The following CLSTN2 variants were observed in gnomAD, a reference collection of about 807,000 sequenced individuals.
The protein encoded by CLSTN2 is calsyntenin 2.
In CLSTN2, 48 loss-of-function variants were observed where a neutral mutation model predicts 101.2. The observed-to-expected ratio is 0.47, with a 90% CI of 0.38 to 0.60. The LOEUF is 0.60. Among genes scored for constraint, CLSTN2 ranks in the 20% least tolerant of loss-of-function variants. The pLI is 0.00. For missense variants in CLSTN2, 1,160 were observed against 1,238.2 expected, an observed-to-expected ratio of 0.94 and a Z score of 0.95; for synonymous variants, 481 against 463.6, an observed-to-expected ratio of 1.04 and a Z score of -0.48.
chr3:140,377,501 C>T (rs918295679), intron 2 of CLSTN2, among the ~76,000 whole-genome samples: 1 of 152,028 alleles, frequency 6.6e-6, no homozygotes, highest in African/African-American at 2.4e-5. Flanking sequence ...AGGTGGAAGA[C>T]AGTGATATTG....
At chr3:140,419,731 A>ATGTATATACGTATATATACACATATACG (rs2088477101) in intron 4 of CLSTN2, among the ~76,000 whole-genome samples, 1 of 65,332 alleles carries the variant, frequency 1.5e-5, no homozygotes, top group Non-Finnish European at 2.5e-5. Context: ...ACGTATATAC[A>ATGTATATACGTATATATACACATATACG]TGTATATACG....
intron 1 of CLSTN2, among the ~76,000 whole-genome samples, chr3:140,041,276 A>C (rs915701812): frequency 6.6e-6 from 1 of 152,186 alleles, no homozygotes; most frequent in Non-Finnish European, 1.5e-5. Flanking sequence ...CAGCCAGCTC[A>C]TGGCTGAGAT....
At chr3:139,986,704 A>C (rs1936026830) in intron 1 of CLSTN2, among the ~76,000 whole-genome samples, 1 of 151,990 alleles carries the variant, frequency 6.6e-6, no homozygotes, top group Admixed American at 6.6e-5. Flanking sequence ...ATATTGTTTG[A>C]TCGTGCTCAG....
At chr3:140,515,589 A>AT (rs1017209059) in intron 8 of CLSTN2, among the ~76,000 whole-genome samples, 2 of 151,990 alleles carry the variant, frequency 1.3e-5, no homozygotes, top group African/African-American at 4.8e-5. Flanking sequence ...TCAATTCAAA[A>AT]TTTTTTTTAA....
At chr3:140,335,028 G>T (rs1402023731) in intron 2 of CLSTN2, among the ~76,000 whole-genome samples, 2 of 152,224 alleles carry the variant, frequency 1.3e-5, no homozygotes, top group South Asian at 4.1e-4. Context: ...GAATGGCAAA[G>T]GGGGGCTTTT....
intron 4 of CLSTN2, among the ~76,000 whole-genome samples, chr3:140,419,644 TATGTAC>T: frequency 1.6e-5 from 1 of 61,076 alleles, no homozygotes; most frequent in Non-Finnish European, 2.6e-5. Context: ...TATACATATA[TATGTAC>T]ACGTATATAT....
At chr3:139,941,197 T>A (rs1215287271) in intron 1 of CLSTN2, among the ~76,000 whole-genome samples, 1 of 151,738 alleles carries the variant, frequency 6.6e-6, no homozygotes, top group African/African-American at 2.4e-5. Flanking sequence ...GAAAGACAGG[T>A]TTTGAGGGTA....
intron 1 of CLSTN2, among the ~76,000 whole-genome samples, chr3:139,961,875 C>T (rs1006060363): frequency 1.3e-5 from 2 of 152,072 alleles, no homozygotes; most frequent in Non-Finnish European, 2.9e-5. Flanking sequence ...CATATTTTTA[C>T]ATAATTTAGT....
intron 3 of CLSTN2, 50 bp downstream of exon 3, chr3:140,403,874 C>A: frequency 3.5e-6 from 5 of 1,424,062 alleles, no homozygotes; most frequent in South Asian, 2.6e-5. Context: ...CCGTGCCCAC[C>A]CCACTTCATT....
intron 1 of CLSTN2, among the ~76,000 whole-genome samples, chr3:140,173,298 C>T (rs190999549): frequency 1.3e-3 from 202 of 152,344 alleles, no homozygotes; most frequent in South Asian, 1.9e-3. Flanking sequence ...TCTCTTTTGA[C>T]TCCATGTCTC....
intron 2 of CLSTN2, among the ~76,000 whole-genome samples, chr3:140,380,321 C>T (rs1048000248): frequency 6.6e-6 from 1 of 152,182 alleles, no homozygotes; most frequent in Non-Finnish European, 1.5e-5. Context: ...TGGGTTAGCC[C>T]TGTTCCCTGA....
chr3:140,534,418 G>C lies in CLSTN2; in HGVS notation c.1507+1932G>C, dbSNP rs545316128. Among the ~76,000 whole-genome samples, 4 of 152,286 alleles carry C rather than the reference G, an allele frequency of 2.6e-5. No homozygotes were observed. In the East Asian group the frequency reaches 7.7e-4, roughly 29 times the overall value. ...TGCTGAGTTACATGCCTACTGCCCA[G>C]AGTGGGGAAGTAGCCCCACAAAATA... On this transcript the variant is annotated intron_variant, in intron 9 of 16. Coordinates refer to ENST00000458420, the MANE Select transcript of CLSTN2 (RefSeq NM_022131.3).
intron 1 of CLSTN2, among the ~76,000 whole-genome samples, chr3:140,037,097 C>A (rs1226418182): frequency 6.6e-6 from 1 of 152,092 alleles, no homozygotes; most frequent in Non-Finnish European, 1.5e-5. Context: ...TACATATTTT[C>A]TTTGAAAATA....
chr3:140,451,527 A>G (rs1427782), intron 6 of CLSTN2, among the ~76,000 whole-genome samples: 134,335 of 152,138 alleles, frequency 0.88, 59,695 homozygotes, highest in African/African-American at 0.97. Flanking sequence ...GCTGAGCAGG[A>G]TCAGTCCTGC....
At chr3:140,101,892 G>A (rs2008972078) in intron 1 of CLSTN2, among the ~76,000 whole-genome samples, 1 of 152,214 alleles carries the variant, frequency 6.6e-6, no homozygotes, top group South Asian at 2.1e-4. Flanking sequence ...AACTAGTCAT[G>A]TGACTGCAAC....
intron 2 of CLSTN2, among the ~76,000 whole-genome samples, chr3:140,217,783 G>A (rs1287158288): frequency 6.6e-6 from 1 of 152,206 alleles, no homozygotes; most frequent in African/African-American, 2.4e-5. Flanking sequence ...GAACACTATT[G>A]TTGGGCAAGA....
chr3:140,481,662 A>T (rs1473263020), intron 8 of CLSTN2, among the ~76,000 whole-genome samples: 1 of 152,046 alleles, frequency 6.6e-6, no homozygotes. Context: ...GAGGTCCTTC[A>T]CATCCCTTGT....
At chr3:139,966,030 G>C (rs1245936742) in intron 1 of CLSTN2, among the ~76,000 whole-genome samples, 1 of 152,170 alleles carries the variant, frequency 6.6e-6, no homozygotes, top group Non-Finnish European at 1.5e-5. Context: ...AGAAGAACTG[G>C]GCCAGGGTCA....
intron 5 of CLSTN2, among the ~76,000 whole-genome samples, chr3:140,426,029 G>A (rs1339710450): frequency 6.6e-6 from 1 of 152,198 alleles, no homozygotes. Flanking sequence ...TAGGAACTAG[G>A]AAAGTGATGC....
Sources: gnomAD v4.1 joint callset for allele counts (sites outside exome capture counted in the v4.1 genomes callset) on GRCh38, gnomAD v4.1.1 for gene constraint, MANE v1.5 for transcripts, NCBI Gene and HGNC (gene_info 2026-07-23, HGNC 2026-07-21) for gene names.